Variants in NLRP9 observed in about 807,000 individuals in gnomAD.
The protein encoded by NLRP9 is NACHT, LRR and PYD domains-containing protein 9.
A neutral mutation model predicts 83.1 loss-of-function variants in NLRP9; 88 were observed. The observed-to-expected ratio is 1.06, with a 90% confidence interval of 0.89 to 1.26. The LOEUF is 1.26. Ranked by LOEUF, NLRP9 falls within the 50% of genes most tolerant of loss-of-function variation. The pLI, the probability that NLRP9 is intolerant of heterozygous loss-of-function variation, is 0.00. For missense variants in NLRP9, 1,308 were observed against 1,179.3 expected (o/e 1.11, Z -1.60); for synonymous variants, 521 against 447.6 (o/e 1.16, Z -2.07).
chr19:55,712,605 GAC>G lies in NLRP9; in HGVS notation c.2502-17_2502-16del. 4 of 1,610,102 alleles carry G rather than the reference GAC, an allele frequency of 2.5e-6. No homozygotes were observed. The highest frequency in any genetic ancestry group is 3.4e-6 in the Non-Finnish European group (4 of 1,178,606). ...AGCCCATCAACCTGGGGAGGTGGAA[GAC>G]ACACAAATACGTACACTTATGAGGT... On this transcript the variant is annotated splice_polypyrimidine_tract_variant and intron_variant, in intron 6 of 8. Coordinates refer to ENST00000332836, the MANE Select transcript of NLRP9 (RefSeq NM_176820.4).
Position 55,732,723 on chromosome 19 carries a change from A to C in NLRP9, c.1108T>G (p.Ser370Ala), listed in dbSNP as rs760300430. 2 of 1,614,090 alleles carry C rather than the reference A, an allele frequency of 1.2e-6. No individual in the cohort carries two copies. Among genetic ancestry groups the C allele is most frequent in the Non-Finnish European group, 1.7e-6 (2 of 1,179,966 alleles). ...GCTTTGAATACAGTTGTTAAAAAGGATGCATATAAATAGGTGGTGTTTTGG... is the reference window on the plus strand; with the variant it reads ...GCTTTGAATACAGTTGTTAAAAAGGCTGCATATAAATAGGTGGTGTTTTGG... ...NSQNTTYLYA[S>A]FLTTVFKAGS... Residue 370 changes from serine to alanine, a missense_variant, in exon 2 of 9, where the codon TCC (serine) becomes GCC (alanine). Physicochemically the swap from Ser to Ala is moderately conservative, Grantham distance 99. Transcript: ENST00000332836.
rs1304386393 is a variant in NLRP9 at position 55,723,992 on chromosome 19, A to T, written c.2147T>A (p.Ile716Lys). 6.2e-7 allele frequency: 1 copy of T among 1,613,792 alleles called. No homozygotes were observed. Among genetic ancestry groups the T allele is most frequent in the Admixed American group, 1.7e-5 (1 of 59,930 alleles). ...CETLKHPMCK[I>K]EELILGKCDI... Reference sequence around the variant, plus strand: ...AGCCCGGACTTACATCAGCTCTTCTATCTTGCACATTGGATGTTTCAGCGT... The same window carrying T: ...AGCCCGGACTTACATCAGCTCTTCTTTCTTGCACATTGGATGTTTCAGCGT... Residue 716 changes from isoleucine to lysine, a missense_variant, in exon 4 of 9, where the codon ATA becomes AAA. Transcript: ENST00000332836.
At chr19:55,736,022 T>A (rs548079370) in intron 1 of NLRP9, among the ~76,000 whole-genome samples, 1 of 152,160 alleles carries the variant, frequency 6.6e-6, no homozygotes, top group South Asian at 2.1e-4. Context: ...GGATTTATCA[T>A]TATATTATTC....
rs769623809 is a variant in NLRP9, at chr19:55,732,413, A to G, written c.1418T>C (p.Ile473Thr). The change falls in exon 2 of 9, where the codon ATA (isoleucine) becomes ACA (threonine). Residue 473 changes from isoleucine to threonine, a missense_variant. By Grantham distance (89) the Ile-to-Thr change is moderately conservative (BLOSUM62 -1). Transcript: ENST00000332836. ...KDDPNPAIGS[I>T]TQLVRASVVQ... Reference sequence around the variant, plus strand: ...CACACTTGCTCTTACAAGCTGGGTTATGCTTCCAATGGCCGGGTTAGGATC... The same window carrying G: ...CACACTTGCTCTTACAAGCTGGGTTGTGCTTCCAATGGCCGGGTTAGGATC... The G allele has an allele frequency of 7.4e-6, 12 of 1,614,134 alleles. No homozygotes were observed. The highest frequency in any genetic ancestry group is 1.3e-5 in the African/African-American group (1 of 74,936).
chr19:55,711,342 C>G, intron 8 of NLRP9: 2 of 1,123,414 alleles, frequency 1.8e-6, no homozygotes, highest in Non-Finnish European at 2.2e-6. Flanking sequence ...AGGTACAACT[C>G]TAAAGGCAAA....
chr19:55,738,257 T>G lies in NLRP9; in HGVS notation c.118A>C (p.Lys40Gln). The part of the protein sequence containing the change: ...LKQPLEKFEL[K>Q]PIPWAELKKA... ...TTCAGCTCAGCCCAGGGGATTGGCT[T>G]GAGTTCAAATTTCTCCAAAGGTTGT... The change falls in exon 1 of 9, where the codon AAG becomes CAG. Residue 40 changes from lysine (K) to glutamine (Q), a missense_variant. Coordinates refer to ENST00000332836, the MANE Select transcript of NLRP9 (RefSeq NM_176820.4). The G allele has an allele frequency of 1.2e-6, 2 of 1,614,116 alleles. No homozygotes were observed. The highest frequency in any genetic ancestry group is 2.2e-5 in the South Asian group (2 of 91,074).
At chr19:55,724,880 A>C (rs768839125) in intron 3 of NLRP9, among the ~76,000 whole-genome samples, 2 of 152,044 alleles carry the variant, frequency 1.3e-5, no homozygotes, top group Non-Finnish European at 2.9e-5. Flanking sequence ...CAACAAGGCG[A>C]AACCCCGTCT....
rs139574367 is a variant in NLRP9, at chr19:55,715,242, C to G, written c.2331-17G>C. The G allele has an allele frequency of 6.2e-7, 1 of 1,607,984 alleles. No homozygotes were observed. Among genetic ancestry groups the G allele is most frequent in the Non-Finnish European group, 8.5e-7 (1 of 1,176,636 alleles). On this transcript the variant is annotated splice_polypyrimidine_tract_variant and intron_variant, in intron 5 of 8. Transcript: ENST00000332836. ...TACATCAACCTGCAAAGAAACACAC[C>G]GTCTCCCAGCCTGCTGAACAGCAGT... is the stretch of plus-strand genomic sequence containing the variant.
At position 55,711,458 on chromosome 19, in the gene NLRP9, A is replaced by T. The variant is rs370629751; in HGVS notation, c.2843+342T>A. 6.8e-5 allele frequency: 89 copies of T among 1,310,566 alleles called. 1 individual carries two copies. In the East Asian group the frequency reaches 1.8e-3, roughly 27 times the overall value. 81.2% of individuals were successfully genotyped at this position (1,310,566 alleles called of 1,614,324 possible). On this transcript the variant is annotated intron_variant, in intron 8 of 8. Transcript: ENST00000332836. Reference sequence around the variant, plus strand: ...CTTCTGAAGTCTGAGCTGGCGTTGCATATTTATGGGCAACGTAAGTAGAAG... The same window carrying T: ...CTTCTGAAGTCTGAGCTGGCGTTGCTTATTTATGGGCAACGTAAGTAGAAG...
Position 55,724,156 on chromosome 19 carries a change from T to TA in NLRP9, c.1995-13dup, listed in dbSNP as rs141643684. Reference sequence around the variant, plus strand: ...ACACAGAAGTAAATCTGCAAAAGATTAAAAAAAAAATAGCATCATGCAATG... The same window carrying TA: ...ACACAGAAGTAAATCTGCAAAAGATTAAAAAAAAAAATAGCATCATGCAATG... On this transcript the variant is annotated splice_polypyrimidine_tract_variant and intron_variant, in intron 3 of 8. Coordinates refer to ENST00000332836, the MANE Select transcript of NLRP9 (RefSeq NM_176820.4). The TA allele has an allele frequency of 2.6e-3, 3,651 of 1,408,552 alleles. No homozygotes were observed. Among genetic ancestry groups the TA allele is most frequent in the South Asian group, 3.8e-3 (288 of 74,920 alleles). The allele number at this position is 1,408,552 out of a possible 1,614,324, so 87.3% of individuals were successfully genotyped here.
chr19:55,716,648 C>T, intron 5 of NLRP9, 80 bp downstream of exon 5: 1 of 1,171,302 alleles, frequency 8.5e-7, no homozygotes. Flanking sequence ...CCTCAGTGAG[C>T]ACCGCGTTGC....
chr19:55,709,439 A>G (rs1374437096), intron 8 of NLRP9: 1 of 153,068 alleles, frequency 6.5e-6, no homozygotes, highest in South Asian at 2.0e-4. Context: ...TCATGTACCC[A>G]TCACCAACTT....
rs573314038 is a variant in NLRP9, at chr19:55,726,685, T to C, written c.1995-2541A>G. Among the ~76,000 whole-genome samples the C allele has an allele frequency of 5.9e-5, 9 of 152,302 alleles. No homozygotes were observed. In the South Asian group the frequency reaches 8.3e-4, roughly 14 times the overall value. On this transcript the variant is annotated intron_variant, in intron 3 of 8. Transcript: ENST00000332836. ...AAAAGTTGATAAATAGAACAGGATC[T>C]GAACTAACCATTCCATGTGAGTGAT...
intron 1 of NLRP9, among the ~76,000 whole-genome samples, chr19:55,735,130 G>A (rs551268641): frequency 6.6e-6 from 1 of 152,174 alleles, no homozygotes; most frequent in Non-Finnish European, 1.5e-5. Context: ...TTCCACCGAT[G>A]GTCTGTGCTC....
chr19:55,723,263 C>A (rs966413526), intron 4 of NLRP9, among the ~76,000 whole-genome samples: 1 of 152,130 alleles, frequency 6.6e-6, no homozygotes, highest in Non-Finnish European at 1.5e-5. Context: ...AGTCATTCTC[C>A]CCCTGGCTTT....
At chr19:55,718,195 G>A (rs531088981) in intron 4 of NLRP9, among the ~76,000 whole-genome samples, 3 of 152,168 alleles carry the variant, frequency 2.0e-5, no homozygotes, top group Non-Finnish European at 4.4e-5. Flanking sequence ...GCGGAAAGCC[G>A]CAGGGACCTC....
chr19:55,716,989 G>A (rs1191415999), intron 4 of NLRP9, 91 bp from the exon 5 acceptor site: 23 of 868,932 alleles, frequency 2.6e-5, no homozygotes, highest in Non-Finnish European at 3.8e-5. Flanking sequence ...TCTGATTCTA[G>A]TCTTGCACCT....
chr19:55,721,160 TA>T (rs1288630905), intron 4 of NLRP9, among the ~76,000 whole-genome samples: 1 of 152,220 alleles, frequency 6.6e-6, no homozygotes, highest in Non-Finnish European at 1.5e-5. Flanking sequence ...ATTTCATTAG[TA>T]AAGTTTCCTA....
At position 55,712,581 on chromosome 19, in the gene NLRP9, G is replaced by A. The variant is rs774032204; in HGVS notation, c.2511C>T (p.Gly837=). The A allele has an allele frequency of 1.2e-6, 2 of 1,612,048 alleles. No homozygotes were observed. Among genetic ancestry groups the A allele is most frequent in the African/African-American group, 2.7e-5 (2 of 74,758 alleles). ...TACAGGAATCGGAAGTAAGGAAACA[G>A]CCCATCAACCTGGGGAGGTGGAAGA... ...GCSIRELWLM[G]CFLTSDSCKD... Residue 837 remains glycine, a synonymous_variant, in exon 7 of 9, where the codon GGC becomes GGT. Transcript: ENST00000332836.
Sources: allele counts gnomAD v4.1 joint callset (sites outside exome capture counted in the v4.1 genomes callset), GRCh38; gene constraint gnomAD v4.1.1; transcripts MANE v1.5; gene names NCBI Gene and HGNC (gene_info 2026-07-23, HGNC 2026-07-21).